Variants in SCAPER observed in about 807,000 individuals in gnomAD.
SCAPER encodes the protein S-phase cyclin A associated protein in the ER.
In SCAPER, 98 loss-of-function variants were observed where a neutral mutation model predicts 182.2. That is an observed-to-expected ratio of 0.54 (90% CI 0.46 to 0.64). The LOEUF (loss-of-function observed/expected upper bound fraction) is 0.64, where lower values mean the gene tolerates loss of function less well. Among genes scored for constraint, SCAPER ranks in the 30% least tolerant of loss-of-function variants. The pLI is 0.00. For missense variants in SCAPER, 1,432 were observed against 1,690.0 expected, an observed-to-expected ratio of 0.85 and a Z score of 2.68; for synonymous variants, 605 against 564.6, an observed-to-expected ratio of 1.07 and a Z score of -1.01.
intron 5 of SCAPER, among the ~76,000 whole-genome samples, chr15:76,839,372 C>T (rs576745000): frequency 3.2e-4 from 48 of 152,166 alleles, no homozygotes; most frequent in Middle Eastern, 3.4e-3. Flanking sequence ...AAAATTATTG[C>T]GTCATGTATC....
intron 8 of SCAPER, among the ~76,000 whole-genome samples, chr15:76,786,782 A>C (rs1041926628): frequency 6.6e-5 from 10 of 152,200 alleles, no homozygotes; most frequent in African/African-American, 2.4e-4. Context: ...AACTCCAAGA[A>C]TTATATGGGT....
intron 4 of SCAPER, among the ~76,000 whole-genome samples, chr15:76,854,685 C>T (rs2071148518): frequency 6.6e-6 from 1 of 151,280 alleles, no homozygotes; most frequent in South Asian, 2.1e-4. Context: ...CATGGCCGGG[C>T]ACGGTAGCTC....
Position 76,650,207 on chromosome 15 carries a change from T to A in SCAPER, c.2645+15446A>T, listed in dbSNP as rs867086121. 3.9e-5 allele frequency among the ~76,000 whole-genome samples: 6 copies of A among 152,002 alleles called. No homozygotes were observed. In the South Asian group the frequency reaches 8.3e-4, roughly 21 times the overall value. Reference sequence around the variant, plus strand: ...AATAAAAAGTGGTAGAGCTAATAAATCAATGAAGAGACAAATGTCCAGACT... The same window carrying A: ...AATAAAAAGTGGTAGAGCTAATAAAACAATGAAGAGACAAATGTCCAGACT... On this transcript the variant is annotated intron_variant, in intron 21 of 31. Transcript: ENST00000563290.
intron 15 of SCAPER, 116 bp from the exon 16 acceptor site, chr15:76,733,500 G>T: frequency 8.0e-7 from 1 of 1,257,526 alleles, no homozygotes; most frequent in Non-Finnish European, 1.1e-6. Context: ...TGTGATCCTA[G>T]CACTTTGGGA....
At chr15:76,371,896 C>T (rs1459294337) in intron 29 of SCAPER, among the ~76,000 whole-genome samples, 1 of 151,358 alleles carries the variant, frequency 6.6e-6, no homozygotes, top group East Asian at 2.0e-4. Flanking sequence ...CCAGCCTGGG[C>T]AACAAGAGCG....
At chr15:76,411,966 C>G (rs1417556197) in intron 26 of SCAPER, among the ~76,000 whole-genome samples, 1 of 152,080 alleles carries the variant, frequency 6.6e-6, no homozygotes, top group African/African-American at 2.4e-5. Flanking sequence ...ATAAATCTTT[C>G]CCCCATTCCA....
chr15:76,662,170 G>A (rs1258523573), intron 21 of SCAPER, among the ~76,000 whole-genome samples: 2 of 152,048 alleles, frequency 1.3e-5, no homozygotes, highest in Non-Finnish European at 1.5e-5. Flanking sequence ...AACACATACA[G>A]GGGTCTGTCA....
intron 22 of SCAPER, 146 bp downstream of exon 22, chr15:76,621,618 C>A: frequency 2.9e-6 from 2 of 679,202 alleles, no homozygotes; most frequent in Non-Finnish European, 4.9e-6. Flanking sequence ...CAACTCTCCT[C>A]TAGTTGGATA....
chr15:76,787,002 A>G (rs552661599), intron 8 of SCAPER, among the ~76,000 whole-genome samples: 6 of 152,316 alleles, frequency 3.9e-5, no homozygotes, highest in African/African-American at 1.4e-4. Flanking sequence ...AAATAGAGGG[A>G]CATTCCATGT....
At position 76,404,572 on chromosome 15, in the gene SCAPER, G is replaced by A. The variant is rs149493455; in HGVS notation, c.3419C>T (p.Ala1140Val). The change falls in exon 27 of 32, where the codon GCA becomes GTA. Residue 1140 changes from alanine (A) to valine (V), a missense_variant. Transcript: ENST00000563290. ...PKMAIFLQHA[A>V]GLLHAMCTLC... ...TGTACACATTGCATGTAAGAGTCCT[G>A]CGGCATGCTGCAGAAATATGGCCAT... 2.7e-5 allele frequency: 43 copies of A among 1,613,478 alleles called. No individual in the cohort carries two copies. In the East Asian group the frequency reaches 9.6e-4, roughly 36 times the overall value.
At chr15:76,605,569 T>C (rs1253624054) in intron 22 of SCAPER, among the ~76,000 whole-genome samples, 3 of 152,232 alleles carry the variant, frequency 2.0e-5, no homozygotes, top group East Asian at 1.9e-4. Flanking sequence ...CCTCTTTTTC[T>C]ATTGATTGCA....
intron 21 of SCAPER, among the ~76,000 whole-genome samples, chr15:76,664,295 A>G (rs767191797): frequency 6.6e-6 from 1 of 152,196 alleles, no homozygotes; most frequent in East Asian, 1.9e-4. Flanking sequence ...ATCAGGGGAA[A>G]GCAGTGAAGT....
At chr15:76,649,977 A>G (rs979363101) in intron 21 of SCAPER, among the ~76,000 whole-genome samples, 1 of 152,166 alleles carries the variant, frequency 6.6e-6, no homozygotes, top group Non-Finnish European at 1.5e-5. Context: ...AAGATAACTG[A>G]AAGATTGGAA....
intron 23 of SCAPER, among the ~76,000 whole-genome samples, chr15:76,520,214 T>TTTTTTG (rs963851148): frequency 2.6e-5 from 4 of 152,150 alleles, no homozygotes; most frequent in African/African-American, 7.2e-5. Flanking sequence ...TATCTTTTGT[T>TTTTTTG]TTTTTGTTTT....
intron 31 of SCAPER, chr15:76,349,612 G>A (rs2040400506): frequency 1.3e-5 from 2 of 151,524 alleles, no homozygotes; most frequent in African/African-American, 4.9e-5. Context: ...TAGGCAAAAG[G>A]GGAACAAATA....
At chr15:76,405,802 A>G (rs2044785587) in intron 26 of SCAPER, among the ~76,000 whole-genome samples, 1 of 152,212 alleles carries the variant, frequency 6.6e-6, no homozygotes, top group Admixed American at 6.5e-5. Flanking sequence ...TTTCAGAGAT[A>G]TACACAAAGG....
intron 23 of SCAPER, among the ~76,000 whole-genome samples, chr15:76,566,489 T>A (rs2047046827): frequency 6.6e-6 from 1 of 152,136 alleles, no homozygotes; most frequent in African/African-American, 2.4e-5. Flanking sequence ...TTAAACTGTT[T>A]ACTTATAGTA....
chr15:76,762,605 T>C (rs974176100), intron 14 of SCAPER, among the ~76,000 whole-genome samples: 6 of 152,184 alleles, frequency 3.9e-5, no homozygotes, highest in Non-Finnish European at 8.8e-5. Flanking sequence ...ATCAATTTTT[T>C]GTCATTATAC....
chr15:76,414,330 G>C (rs979282802), intron 26 of SCAPER, among the ~76,000 whole-genome samples: 7 of 151,856 alleles, frequency 4.6e-5, no homozygotes, highest in African/African-American at 1.7e-4. Context: ...CTGTTTTGGT[G>C]GAATAACATC....
Sources: gnomAD v4.1 joint callset for allele counts (sites outside exome capture counted in the v4.1 genomes callset) on GRCh38, gnomAD v4.1.1 for gene constraint, MANE v1.5 for transcripts, NCBI Gene and HGNC (gene_info 2026-07-23, HGNC 2026-07-21) for gene names.